Variants in WAPL observed in about 807,000 individuals in gnomAD.
The protein encoded by WAPL is wings apart-like protein homolog.
In WAPL, 5 loss-of-function variants were observed where a neutral mutation model predicts 121.0. The ratio of observed to expected loss-of-function variants is 0.04; its 90% confidence interval spans 0.02 to 0.09. WAPL has a LOEUF of 0.09. WAPL is among the 10% of genes least tolerant of loss of function. The pLI, the probability that WAPL is intolerant of heterozygous loss-of-function variation, is 1.00. For synonymous variants in WAPL, 480 were observed against 481.5 expected (o/e 1.00, Z 0.04); for missense variants, 999 against 1,410.8 (o/e 0.71, Z 4.68).
chr10:86,506,927 C>T (rs1319019006), intron 2 of WAPL, among the ~76,000 whole-genome samples: 3 of 152,034 alleles, frequency 2.0e-5, no homozygotes, highest in African/African-American at 2.4e-5. Flanking sequence ...GATATGCTGA[C>T]TCTCCAGAGC....
At chr10:86,449,188 G>A (rs1431615706) in intron 15 of WAPL, among the ~76,000 whole-genome samples, 3 of 152,224 alleles carry the variant, frequency 2.0e-5, no homozygotes, top group South Asian at 2.1e-4. Flanking sequence ...CAACATTATC[G>A]AAAAGATACG....
At chr10:86,499,573 T>C (rs888995782) in intron 3 of WAPL, 145 bp downstream of exon 3, 12 of 727,048 alleles carry the variant, frequency 1.7e-5, no homozygotes, top group Non-Finnish European at 4.2e-6. Context: ...TAATAAATGT[T>C]ATGTGAATGG....
chr10:86,467,175 G>A, intron 9 of WAPL, 104 bp downstream of exon 9: 2 of 1,051,846 alleles, frequency 1.9e-6, no homozygotes, highest in Non-Finnish European at 2.8e-6. Flanking sequence ...TGTAAACCAA[G>A]GTTAGAATTA....
chr10:86,467,263 G>A lies in WAPL; in HGVS notation c.2370+16C>T, dbSNP rs759539677. On this transcript the variant is annotated intron_variant, in intron 9 of 18. Coordinates refer to ENST00000298767, the MANE Select transcript of WAPL (RefSeq NM_015045.5). ...AAAGTAATTCTCATCTTAGAAGGAA[G>A]GAAGAAGGAACCCACCGTTATATTT... is the stretch of plus-strand genomic sequence containing the variant. The A allele has an allele frequency of 1.9e-6, 3 of 1,605,374 alleles. No homozygotes were observed. Among genetic ancestry groups the A allele is most frequent in the Non-Finnish European group, 2.6e-6 (3 of 1,173,004 alleles).
chr10:86,515,579 T>C (rs2132234457), intron 2 of WAPL, among the ~76,000 whole-genome samples: 1 of 152,070 alleles, frequency 6.6e-6, no homozygotes, highest in Non-Finnish European at 1.5e-5. Flanking sequence ...GGTCAGGAGT[T>C]TGAGACTAGC....
At chr10:86,502,042 T>A (rs1331990286) in intron 2 of WAPL, among the ~76,000 whole-genome samples, 2 of 152,232 alleles carry the variant, frequency 1.3e-5, no homozygotes, top group Admixed American at 1.3e-4. Flanking sequence ...TAATATCTTT[T>A]AAAACTAAAA....
At chr10:86,487,332 A>C (rs1428466473) in intron 4 of WAPL, among the ~76,000 whole-genome samples, 1 of 152,220 alleles carries the variant, frequency 6.6e-6, no homozygotes, top group East Asian at 1.9e-4. Context: ...CGAAAGTACC[A>C]AGAACTGCTC....
rs530126630 is a variant in WAPL at position 86,500,739 on chromosome 10, T to G, written c.504A>C (p.Lys168Asn). ...SSCNKLITSD[K>N]VENFHEEHEK... ...CATGTTCTTCATGAAAATTCTCCAC[T>G]TTATCTGTAAAAATAAGTCAAAGGA... Residue 168 changes from lysine to asparagine, a missense_variant, in exon 3 of 19, where the codon AAA (lysine) becomes AAC (asparagine). Around this residue, in one of 7 missense-constraint regions of WAPL, gnomAD observed 531 missense variants for 563.1 expected, o/e 0.94. Transcript: ENST00000298767. The G allele has an allele frequency of 2.6e-6, 4 of 1,552,628 alleles. No individual in the cohort carries two copies. In the African/African-American group the frequency reaches 4.1e-5, roughly 16 times the overall value.
chr10:86,482,893 A>T (rs1841825219), intron 4 of WAPL, among the ~76,000 whole-genome samples: 1 of 152,166 alleles, frequency 6.6e-6, no homozygotes, highest in South Asian at 2.1e-4. Context: ...GCTTCTGGAG[A>T]TCTGACTTAT....
chr10:86,515,055 T>C (rs1322182506), intron 2 of WAPL, among the ~76,000 whole-genome samples: 1 of 150,894 alleles, frequency 6.6e-6, no homozygotes, highest in East Asian at 2.0e-4. Context: ...AGGTCAGGAG[T>C]TCTAGACCAG....
intron 9 of WAPL, among the ~76,000 whole-genome samples, chr10:86,464,391 A>C (rs1010540368): frequency 6.6e-6 from 1 of 152,256 alleles, no homozygotes; most frequent in African/African-American, 2.4e-5. Flanking sequence ...ATTTAACAGC[A>C]TACCTGAAAT....
chr10:86,474,090 A>T, intron 4 of WAPL, 117 bp from the exon 5 acceptor site: 1 of 762,260 alleles, frequency 1.3e-6, no homozygotes, highest in Non-Finnish European at 2.2e-6. Context: ...GATGGATACT[A>T]TCTGGGAACA....
intron 1 of WAPL, among the ~76,000 whole-genome samples, chr10:86,518,934 A>G (rs1842613908): frequency 6.6e-6 from 1 of 152,182 alleles, no homozygotes; most frequent in Non-Finnish European, 1.5e-5. Flanking sequence ...CTCCCTAGGG[A>G]AAGAAACTAT....
intron 15 of WAPL, among the ~76,000 whole-genome samples, chr10:86,448,622 A>G (rs1373573422): frequency 6.6e-6 from 1 of 152,012 alleles, no homozygotes; most frequent in African/African-American, 2.4e-5. Context: ...ACATTTTTTT[A>G]TTTACTTTTC....
Position 86,435,946 on chromosome 10 carries a change from T to C in WAPL, c.*1597A>G, listed in dbSNP as rs894181410. 2.0e-5 allele frequency: 3 copies of C among 152,280 alleles called. No homozygotes were observed. The highest frequency in any genetic ancestry group is 4.8e-5 in the African/African-American group (2 of 41,460). 9.4% of individuals were successfully genotyped at this position (152,280 alleles called of 1,614,324 possible). On this transcript the variant is annotated 3_prime_UTR_variant, in exon 19 of 19. Transcript: ENST00000298767. ...AAGTATTTTGCTAAGCTAGCTTTAA[T>C]ACTCAGGGCAAATACAATCTCAATG...
At chr10:86,508,544 CCA>C (rs1842394052) in intron 2 of WAPL, among the ~76,000 whole-genome samples, 6 of 152,144 alleles carry the variant, frequency 3.9e-5, no homozygotes, top group Admixed American at 3.9e-4. Flanking sequence ...TTGGATCACT[CCA>C]GTCCAAGCTG....
chr10:86,438,063 G>T, intron 17 of WAPL, 48 bp from the exon 18 acceptor site: 1 of 1,378,676 alleles, frequency 7.3e-7, no homozygotes, highest in Non-Finnish European at 1.0e-6. Context: ...GAAAACATGA[G>T]ATTGCACCTC....
At chr10:86,438,629 G>A (rs961398062) in intron 17 of WAPL, among the ~76,000 whole-genome samples, 12 of 152,214 alleles carry the variant, frequency 7.9e-5, no homozygotes, top group Admixed American at 6.5e-5. Flanking sequence ...TTCACTGGGG[G>A]CCCTGGGGGA....
chr10:86,443,191 A>C (rs1849516234), intron 17 of WAPL, 84 bp downstream of exon 17: 2 of 1,079,206 alleles, frequency 1.9e-6, no homozygotes, highest in Non-Finnish European at 2.7e-6. Flanking sequence ...TGAAGAAATA[A>C]ATAAGTGAAA....
Sources: allele counts gnomAD v4.1 joint callset (sites outside exome capture counted in the v4.1 genomes callset), GRCh38; gene constraint gnomAD v4.1.1; regional missense constraint gnomAD v4.1.1; transcripts MANE v1.5; gene names NCBI Gene and HGNC (gene_info 2026-07-23, HGNC 2026-07-21).